The following INPP5A variants were observed in gnomAD, a reference collection of about 807,000 sequenced individuals.
INPP5A encodes the protein inositol polyphosphate-5-phosphatase A, also known as 43 kDa inositol polyphosphate 5-phophatase.
INPP5A carries 14 observed loss-of-function variants against 65.2 expected under a neutral mutation model. The observed-to-expected ratio is 0.21, with a 90% confidence interval of 0.14 to 0.34. The LOEUF (loss-of-function observed/expected upper bound fraction) is 0.34. Among genes scored for constraint, INPP5A ranks in the 10% least tolerant of loss-of-function variants. INPP5A has a pLI of 1.00. For missense variants in INPP5A, 431 were observed against 545.6 expected (o/e 0.79, Z 2.09); for synonymous variants, 207 against 208.3 (o/e 0.99, Z 0.05).
chr10:132,731,191 T>C (rs1335090077), intron 9 of INPP5A, among the ~76,000 whole-genome samples: 1 of 152,148 alleles, frequency 6.6e-6, no homozygotes, highest in Non-Finnish European at 1.5e-5. Context: ...TTCCCCCCGG[T>C]GAGAGGTCAG....
Position 132,738,144 on chromosome 10 carries a change from A to G in INPP5A, c.732+11239A>G, listed in dbSNP as rs572735091. Among the ~76,000 whole-genome samples, 5 of 152,268 alleles carry G rather than the reference A, an allele frequency of 3.3e-5. No individual in the cohort carries two copies. In the East Asian group the frequency reaches 7.7e-4, roughly 24 times the overall value. On this transcript the variant is annotated intron_variant, in intron 9 of 15. Transcript: ENST00000368594. ...TCACTAATCTTTAATGCACTTTTCT[A>G]TATTTTTTATGAGCTCATACTTTAT...
Position 132,727,125 on chromosome 10 carries a change from G to A in INPP5A, c.732+220G>A. On this transcript the variant is annotated intron_variant, in intron 9 of 15. Transcript: ENST00000368594. The surrounding 1 kb of genome is among the most constrained non-coding windows in gnomAD (Gnocchi z 6.5). Reference sequence around the variant, plus strand: ...GCGGGCCCTCAAGGTTGCCCCGGATGGCGGGTGACAGTGCTGTGGGGCTTT... The same window carrying A: ...GCGGGCCCTCAAGGTTGCCCCGGATAGCGGGTGACAGTGCTGTGGGGCTTT... The A allele has an allele frequency of 2.4e-6, 1 of 422,370 alleles. No homozygotes were observed. The highest frequency in any genetic ancestry group is 4.3e-6 in the Non-Finnish European group (1 of 234,292). 26.2% of individuals were successfully genotyped at this position (422,370 alleles called of 1,614,324 possible). A position where few individuals can be genotyped will look rare whatever the true frequency, so the allele number is the denominator to read the frequency against.
chr10:132,689,341 CCCT>C (rs1429189964), intron 4 of INPP5A, among the ~76,000 whole-genome samples: 1 of 152,188 alleles, frequency 6.6e-6, no homozygotes, highest in Non-Finnish European at 1.5e-5. Context: ...CGCCCGTGTG[CCCT>C]CCTCTCTGGC....
intron 8 of INPP5A, among the ~76,000 whole-genome samples, chr10:132,722,226 T>C (rs12254541): frequency 0.083 from 12,584 of 152,122 alleles, 1,020 homozygotes; most frequent in African/African-American, 0.21. Context: ...TGTACACAAC[T>C]TAGGCCTTTA....
intron 1 of INPP5A, among the ~76,000 whole-genome samples, chr10:132,593,003 A>C (rs1435850593): frequency 2.6e-5 from 4 of 152,148 alleles, no homozygotes; most frequent in Non-Finnish European, 5.9e-5. Flanking sequence ...GGTGCTTGGC[A>C]GATATCATTT....
At chr10:132,656,446 C>T (rs1015993358) in intron 4 of INPP5A, among the ~76,000 whole-genome samples, 7 of 152,224 alleles carry the variant, frequency 4.6e-5, no homozygotes, top group Admixed American at 2.6e-4. Flanking sequence ...CCCCTGCCCC[C>T]GCCAGCTGTG....
chr10:132,605,458 G>T (rs1390856793), intron 1 of INPP5A, among the ~76,000 whole-genome samples: 1 of 144,688 alleles, frequency 6.9e-6, no homozygotes, highest in Non-Finnish European at 1.5e-5. Flanking sequence ...GATGGGGAGG[G>T]TGTGGATCCC....
rs1259438937 is a variant in INPP5A, at chr10:132,674,862, G to C, written c.307-15530G>C. Among the ~76,000 whole-genome samples, 1 of 152,190 alleles carries C rather than the reference G, an allele frequency of 6.6e-6. No homozygotes were observed. The highest frequency in any genetic ancestry group is 1.5e-5 in the Non-Finnish European group (1 of 68,038). On this transcript the variant is annotated intron_variant, in intron 4 of 15. Transcript: ENST00000368594. The surrounding 1 kb of genome is among the most constrained non-coding windows in gnomAD (Gnocchi z 4.4). ...GAGTAGTTACCTGCAGAAGATGGCA[G>C]GGCCTCACTCCAAAATCCTAGAGGC...
At position 132,727,370 on chromosome 10, in the gene INPP5A, C is replaced by T. The variant is rs55689945; in HGVS notation, c.732+465C>T. On this transcript the variant is annotated intron_variant, in intron 9 of 15. Coordinates refer to ENST00000368594, the MANE Select transcript of INPP5A (RefSeq NM_005539.5). The surrounding 1 kb of genome is among the most constrained non-coding windows in gnomAD (Gnocchi z 6.5). ...GCAAAGTCATTATTCCGTGAGTTAA[C>T]GAGTCGTCACCCCCGCCTGGGAACT... The T allele has an allele frequency of 2.5e-3, 384 of 152,678 alleles. No homozygotes were observed. Among genetic ancestry groups the T allele is most frequent in the Non-Finnish European group, 4.2e-3 (286 of 68,274 alleles). 9.5% of individuals were successfully genotyped at this position (152,678 alleles called of 1,614,324 possible).
rs868381192 is a variant in INPP5A, at chr10:132,549,530, C to T, written c.75+11359C>T. 1.1e-4 allele frequency among the ~76,000 whole-genome samples: 17 copies of T among 152,360 alleles called. 1 individual carries two copies. In the South Asian group the frequency reaches 1.4e-3, roughly 13 times the overall value. ...ACAGCTGGATGACAGACGGTGTTGGCGGGCTGCCCTCTGCCCACCCCTCCA... is the reference window on the plus strand; with the variant it reads ...ACAGCTGGATGACAGACGGTGTTGGTGGGCTGCCCTCTGCCCACCCCTCCA... On this transcript the variant is annotated intron_variant, in intron 1 of 15. Coordinates refer to ENST00000368594, the MANE Select transcript of INPP5A (RefSeq NM_005539.5). This position sits in a 1 kb window ranked among gnomAD's most constrained non-coding sequence, Gnocchi z 4.9.
At chr10:132,756,795 G>C (rs865836920) in intron 11 of INPP5A, among the ~76,000 whole-genome samples, 2 of 152,260 alleles carry the variant, frequency 1.3e-5, no homozygotes, top group Non-Finnish European at 2.9e-5. Flanking sequence ...AGAAGGCGCC[G>C]TTATCACAGG....
At chr10:132,759,880 T>G (rs1412714729) in intron 11 of INPP5A, among the ~76,000 whole-genome samples, 1 of 152,108 alleles carries the variant, frequency 6.6e-6, no homozygotes, top group Non-Finnish European at 1.5e-5. Context: ...CACGTGCCCC[T>G]TGATGCGCAG....
chr10:132,728,770 G>A (rs1177825020), intron 9 of INPP5A, among the ~76,000 whole-genome samples: 1 of 152,228 alleles, frequency 6.6e-6, no homozygotes, highest in Admixed American at 6.5e-5. Context: ...CACAGTAAAG[G>A]GCAGCTGGTC....
chr10:132,546,194 C>T lies in INPP5A; in HGVS notation c.75+8023C>T, dbSNP rs2070968972. Reference sequence around the variant, plus strand: ...TCCTGGGTGGGTTGGGGCTGGACACCACTTCTGGGGCAGGTCTAGGGTGAT... The same window carrying T: ...TCCTGGGTGGGTTGGGGCTGGACACTACTTCTGGGGCAGGTCTAGGGTGAT... On this transcript the variant is annotated intron_variant, in intron 1 of 15. Coordinates refer to ENST00000368594, the MANE Select transcript of INPP5A (RefSeq NM_005539.5). The surrounding 1 kb of genome is among the most constrained non-coding windows in gnomAD (Gnocchi z 5.7). 6.6e-6 allele frequency among the ~76,000 whole-genome samples: 1 copy of T among 152,196 alleles called. No homozygotes were observed. The highest frequency in any genetic ancestry group is 1.5e-5 in the Non-Finnish European group (1 of 68,032).
chr10:132,675,694 G>A lies in INPP5A; in HGVS notation c.307-14698G>A, dbSNP rs899380384. On this transcript the variant is annotated intron_variant, in intron 4 of 15. Coordinates refer to ENST00000368594, the MANE Select transcript of INPP5A (RefSeq NM_005539.5). This position sits in a 1 kb window ranked among gnomAD's most constrained non-coding sequence, Gnocchi z 4.2. ...GTGCCCTTGGAATACTGCTGTTTTA[G>A]CATTTCTGGGGACCGGGAACTAAGG... Among the ~76,000 whole-genome samples the A allele has an allele frequency of 1.6e-4, 25 of 152,314 alleles. No individual in the cohort carries two copies. Among genetic ancestry groups the A allele is most frequent in the Non-Finnish European group, 3.4e-4 (23 of 68,028 alleles).
intron 8 of INPP5A, among the ~76,000 whole-genome samples, chr10:132,721,370 A>T (rs1454016534): frequency 1.5e-5 from 2 of 137,622 alleles, no homozygotes. Flanking sequence ...GGCGCCTTAG[A>T]CAGCTGTCTT....
intron 7 of INPP5A, 58 bp from the exon 8 acceptor site, chr10:132,710,279 A>G: frequency 6.3e-7 from 1 of 1,587,508 alleles, no homozygotes; most frequent in East Asian, 2.3e-5. Flanking sequence ...TGGGAGAACG[A>G]AGTGTGACCC....
At chr10:132,648,337 C>G (rs542413047) in intron 3 of INPP5A, among the ~76,000 whole-genome samples, 1 of 152,248 alleles carries the variant, frequency 6.6e-6, no homozygotes, top group Non-Finnish European at 1.5e-5. Flanking sequence ...CCCGCGATGC[C>G]GTGTGTGTTT....
intron 4 of INPP5A, among the ~76,000 whole-genome samples, chr10:132,687,293 G>C (rs1290460197): frequency 3.9e-5 from 6 of 152,238 alleles, no homozygotes; most frequent in African/African-American, 1.4e-4. Context: ...AGTTCCCCGG[G>C]TTCTGAGCAG....
Sources: allele counts gnomAD v4.1 joint callset (sites outside exome capture counted in the v4.1 genomes callset), GRCh38; gene constraint gnomAD v4.1.1; non-coding constraint Gnocchi (gnomAD v3.1); transcripts MANE v1.5; gene names NCBI Gene and HGNC (gene_info 2026-07-23, HGNC 2026-07-21).